Variants in ADAMTS20 observed in about 807,000 individuals in gnomAD.
ADAMTS20 encodes the protein A disintegrin and metalloproteinase with thrombospondin motifs 20.
ADAMTS20 carries 225 observed loss-of-function variants against 260.1 expected under a neutral mutation model. The ratio of observed to expected loss-of-function variants is 0.87; its 90% CI spans 0.78 to 0.97. The LOEUF (loss-of-function observed/expected upper bound fraction) is 0.97. ADAMTS20 is among the 50% of genes least tolerant of loss of function. The pLI is 0.00. For missense variants in ADAMTS20, 2,400 were observed against 2,337.7 expected, an observed-to-expected ratio of 1.03 and a Z score of -0.55; for synonymous variants, 802 against 769.5, an observed-to-expected ratio of 1.04 and a Z score of -0.70.
chr12:43,548,725 A>T (rs753842795), intron 2 of ADAMTS20, among the ~76,000 whole-genome samples: 1 of 152,014 alleles, frequency 6.6e-6, no homozygotes, highest in Non-Finnish European at 1.5e-5. Flanking sequence ...ACTGAAAAAA[A>T]TGTAGATCTT....
rs765588375 is a variant in ADAMTS20 at position 43,383,764 on chromosome 12, T to C, written c.4627-36A>G. The C allele has an allele frequency of 3.1e-6, 5 of 1,613,490 alleles. No individual in the cohort carries two copies. The African/African-American group carries it at 4.0e-5, about 13-fold the overall frequency. On this transcript the variant is annotated intron_variant, in intron 30 of 38. Coordinates refer to ENST00000389420, the MANE Select transcript of ADAMTS20 (RefSeq NM_025003.5). Reference sequence around the variant, plus strand: ...AATAACCAAATGAATAACACATTCTTATATGCAGTGTCTTTGAAAATTTAC... The same window carrying C: ...AATAACCAAATGAATAACACATTCTCATATGCAGTGTCTTTGAAAATTTAC...
intron 7 of ADAMTS20, among the ~76,000 whole-genome samples, chr12:43,481,082 T>C (rs1288740040): frequency 6.6e-6 from 1 of 152,162 alleles, no homozygotes; most frequent in African/African-American, 2.4e-5. Flanking sequence ...ATAATTATGA[T>C]TTGTCAACTA....
chr12:43,490,907 T>G (rs554662788), intron 6 of ADAMTS20, among the ~76,000 whole-genome samples: 1 of 152,152 alleles, frequency 6.6e-6, no homozygotes. Flanking sequence ...CACCTCTTTC[T>G]CATAGCCCTT....
chr12:43,503,170 G>A (rs1942792605), intron 3 of ADAMTS20, among the ~76,000 whole-genome samples: 1 of 151,966 alleles, frequency 6.6e-6, no homozygotes, highest in African/African-American at 2.4e-5. Context: ...GGCTGCACAG[G>A]TGCTTGTCCT....
At chr12:43,538,459 CTG>C (rs142035968) in intron 2 of ADAMTS20, among the ~76,000 whole-genome samples, 20 of 152,302 alleles carry the variant, frequency 1.3e-4, no homozygotes, top group Non-Finnish European at 2.5e-4. Flanking sequence ...TTCTCCCACT[CTG>C]TGGGTTGTCT....
intron 14 of ADAMTS20, among the ~76,000 whole-genome samples, chr12:43,451,576 C>T (rs1281549445): frequency 6.6e-6 from 1 of 152,112 alleles, no homozygotes; most frequent in Non-Finnish European, 1.5e-5. Context: ...AAAACCTACT[C>T]ATTTCAATAC....
intron 7 of ADAMTS20, among the ~76,000 whole-genome samples, chr12:43,473,021 A>C (rs1450031122): frequency 1.1e-5 from 1 of 90,852 alleles, no homozygotes. Context: ...TAAATTCTCC[A>C]ATTAAAAGAC....
At chr12:43,431,868 CTT>C (rs1331237772) in intron 21 of ADAMTS20, among the ~76,000 whole-genome samples, 6 of 144,922 alleles carry the variant, frequency 4.1e-5, no homozygotes, top group East Asian at 2.0e-4. Flanking sequence ...TTGTATATTT[CTT>C]TTTTTTTTTT....
chr12:43,535,180 A>T (rs1226445091), intron 2 of ADAMTS20, among the ~76,000 whole-genome samples: 2 of 152,104 alleles, frequency 1.3e-5, no homozygotes, highest in Non-Finnish European at 2.9e-5. Context: ...ATTCTTCCCC[A>T]CTAGACAGAA....
At chr12:43,437,526 CA>C (rs1220357862) in intron 18 of ADAMTS20, among the ~76,000 whole-genome samples, 1 of 152,016 alleles carries the variant, frequency 6.6e-6, no homozygotes. Context: ...ATGTCATGTA[CA>C]AGCATGACAA....
chr12:43,408,586 A>ATTT (rs1940963633), intron 28 of ADAMTS20, among the ~76,000 whole-genome samples: 1 of 152,170 alleles, frequency 6.6e-6, no homozygotes, highest in African/African-American at 2.4e-5. Context: ...TGAGAAATAA[A>ATTT]TGAGTTCTAA....
chr12:43,454,627 TCAATCCCC>T (rs1483935742), intron 11 of ADAMTS20, among the ~76,000 whole-genome samples: 1 of 152,146 alleles, frequency 6.6e-6, no homozygotes, highest in African/African-American at 2.4e-5. Context: ...CCAGACAAAG[TCAATCCCC>T]CTGCTTGTGT....
intron 7 of ADAMTS20, among the ~76,000 whole-genome samples, chr12:43,469,007 G>A (rs1187765175): frequency 6.6e-6 from 1 of 152,088 alleles, no homozygotes; most frequent in Non-Finnish European, 1.5e-5. Flanking sequence ...TTTGCAGGAA[G>A]TATGAAGTGT....
In ADAMTS20 at chr12:43,430,413, A is replaced by G; in HGVS notation, c.3320T>C (p.Leu1107Pro). The change falls in exon 23 of 39, where the codon CTA becomes CCA. Residue 1107 changes from leucine to proline, a missense_variant. Coordinates refer to ENST00000389420, the MANE Select transcript of ADAMTS20 (RefSeq NM_025003.5). ...TGTGTCCTCTAACACTGCACTAGCT[A>G]GCTCATTGACACATTTAACATCTCG... ...QMRDVKCVNE[L>P]ASAVLEDTEC... The G allele has an allele frequency of 6.2e-7, 1 of 1,613,352 alleles. No individual in the cohort carries two copies. The highest frequency in any genetic ancestry group is 8.5e-7 in the Non-Finnish European group (1 of 1,179,522).
chr12:43,423,475 A>G (rs951161763), intron 28 of ADAMTS20: 3 of 458,442 alleles, frequency 6.5e-6, no homozygotes, highest in African/African-American at 5.9e-5. Flanking sequence ...TAGGGAAAAT[A>G]AAACGTCTAT....
Position 43,428,770 on chromosome 12 carries a change from T to C in ADAMTS20, c.3519A>G (p.Gln1173=). 1.2e-6 allele frequency: 2 copies of C among 1,608,066 alleles called. No individual in the cohort carries two copies. The highest frequency in any genetic ancestry group is 2.7e-5 in the African/African-American group (2 of 74,876). ...CATCACGACAGCTTACATAGCGGGC[T>C]TGAGTACCTCTTCCACAAGATACGG... The part of the protein sequence containing the change: ...PCSVSCGRGT[Q]ARYVSCRDAL... Residue 1173 remains glutamine, a synonymous_variant, in exon 25 of 39, where the codon CAA becomes CAG. Coordinates refer to ENST00000389420, the MANE Select transcript of ADAMTS20 (RefSeq NM_025003.5).
chr12:43,411,351 G>GTTGTTTGTTTGTTTGT (rs141577930), intron 28 of ADAMTS20, among the ~76,000 whole-genome samples: 1 of 151,612 alleles, frequency 6.6e-6, no homozygotes, highest in Non-Finnish European at 1.5e-5. Context: ...AAAAGCATCT[G>GTTGTTTGTTTGTTTGT]TTGTTTGTTT....
chr12:43,514,870 G>A (rs531185541), intron 3 of ADAMTS20, among the ~76,000 whole-genome samples: 67 of 152,302 alleles, frequency 4.4e-4, no homozygotes, highest in African/African-American at 1.5e-3. Context: ...AATTCATGCT[G>A]AATATCGATA....
chr12:43,524,477 C>G (rs1295429472), intron 3 of ADAMTS20, among the ~76,000 whole-genome samples: 2 of 151,972 alleles, frequency 1.3e-5, no homozygotes, highest in Non-Finnish European at 1.5e-5. Context: ...AAAGAACACA[C>G]TAACGGTCCA....
Sources: allele counts gnomAD v4.1 joint callset (sites outside exome capture counted in the v4.1 genomes callset), GRCh38; gene constraint gnomAD v4.1.1; transcripts MANE v1.5; gene names NCBI Gene and HGNC (gene_info 2026-07-23, HGNC 2026-07-21).